The following AKAP6 variants were observed in gnomAD, a reference collection of about 807,000 sequenced individuals.
The protein encoded by AKAP6 is A-kinase anchoring protein 6.
In AKAP6, 58 loss-of-function variants were observed where a neutral mutation model predicts 188.5. The ratio of observed to expected loss-of-function variants is 0.31; its 90% CI spans 0.25 to 0.38. The LOEUF (loss-of-function observed/expected upper bound fraction) is 0.38, where lower values mean the gene tolerates loss of function less well. Among genes scored for constraint, AKAP6 ranks in the 10% least tolerant of loss-of-function variants. The probability of loss-of-function intolerance (pLI) is 1.00; values close to 1 mark genes in which losing one functional copy is unlikely to be tolerated. For synonymous variants in AKAP6, 989 were observed against 998.6 expected (o/e 0.99, Z 0.18); for missense variants, 2,710 against 2,740.0 (o/e 0.99, Z 0.24).
chr14:32,711,366 C>T (rs1031555964), intron 9 of AKAP6, among the ~76,000 whole-genome samples: 9 of 152,032 alleles, frequency 5.9e-5, no homozygotes, highest in Non-Finnish European at 1.2e-4. Context: ...TCACTGTGCT[C>T]ACAGGCACTT....
At chr14:32,445,372 G>A (rs1200877768) in intron 2 of AKAP6, among the ~76,000 whole-genome samples, 13 of 151,642 alleles carry the variant, frequency 8.6e-5, no homozygotes, top group Admixed American at 7.9e-4. Flanking sequence ...GTGGGTTTCC[G>A]GTTCTTTTCT....
chr14:32,570,426 G>T (rs1169935748), intron 4 of AKAP6, among the ~76,000 whole-genome samples: 4 of 151,978 alleles, frequency 2.6e-5, no homozygotes, highest in African/African-American at 9.7e-5. Flanking sequence ...ACAGGTGTGA[G>T]CCACTGCGCC....
At chr14:32,725,497 T>G (rs1160105676) in intron 9 of AKAP6, among the ~76,000 whole-genome samples, 1 of 152,214 alleles carries the variant, frequency 6.6e-6, no homozygotes, top group African/African-American at 2.4e-5. Context: ...TGAGATTTTT[T>G]TTTCTCTGAA....
chr14:32,824,629 A>G lies in AKAP6; in HGVS notation c.6816A>G (p.Ser2272=), dbSNP rs2140154852. 5 of 1,613,962 alleles carry G rather than the reference A, an allele frequency of 3.1e-6. No individual in the cohort carries two copies. The highest frequency in any genetic ancestry group is 4.2e-6 in the Non-Finnish European group (5 of 1,179,924). The change falls in exon 13 of 14, where the codon TCA becomes TCG. Residue 2272 remains serine, a synonymous_variant. Coordinates refer to ENST00000280979, the MANE Select transcript of AKAP6 (RefSeq NM_004274.5). ...TGCCAGAAGAACATAATGCTGCTTC[A>G]GCCAAATCTAAAGTTCAAGACCTCT... The part of the protein sequence containing the change: ...SGMPEEHNAA[S]AKSKVQDLSL...
At chr14:32,538,256 G>A (rs1882773985) in intron 3 of AKAP6, among the ~76,000 whole-genome samples, 1 of 151,980 alleles carries the variant, frequency 6.6e-6, no homozygotes, top group Non-Finnish European at 1.5e-5. Flanking sequence ...AAGATAATTA[G>A]GATAAAATTA....
At chr14:32,386,848 T>G (rs948969628) in intron 1 of AKAP6, among the ~76,000 whole-genome samples, 1 of 152,178 alleles carries the variant, frequency 6.6e-6, no homozygotes, top group Admixed American at 6.6e-5. Context: ...CCCAGCACCA[T>G]TTGTTGAAAA....
intron 2 of AKAP6, among the ~76,000 whole-genome samples, chr14:32,522,758 C>T (rs1480791485): frequency 6.6e-6 from 1 of 152,128 alleles, no homozygotes; most frequent in Admixed American, 6.5e-5. Flanking sequence ...TAAACTAGTT[C>T]AACCGTTGTG....
intron 2 of AKAP6, among the ~76,000 whole-genome samples, chr14:32,472,654 T>C (rs1387831062): frequency 6.6e-6 from 1 of 152,184 alleles, no homozygotes; most frequent in Non-Finnish European, 1.5e-5. Context: ...CTGCACCAAC[T>C]GTCTCCTGCA....
intron 2 of AKAP6, among the ~76,000 whole-genome samples, chr14:32,454,671 C>T (rs1891066173): frequency 2.2e-5 from 1 of 45,252 alleles, no homozygotes; most frequent in African/African-American, 3.1e-4. Flanking sequence ...TTCCCTCCTT[C>T]CCTCCTTCCC....
rs1324772714 is a variant in AKAP6 at position 32,403,134 on chromosome 14, G to C, written c.-34-30326G>C. The C allele has an allele frequency of 2.0e-5, 3 of 152,314 alleles. No homozygotes were observed. The East Asian group carries it at 5.8e-4, about 29-fold the overall frequency. 9.4% of individuals were successfully genotyped at this position (152,314 alleles called of 1,614,324 possible). ...ATAGAACCTGTGGATGCACATCAAG[G>C]CTTCTGGAAATTTATTGAAATTGAA... On this transcript the variant is annotated intron_variant, in intron 1 of 13. Transcript: ENST00000280979.
intron 12 of AKAP6, among the ~76,000 whole-genome samples, chr14:32,788,549 G>C (rs2033502154): frequency 6.6e-6 from 1 of 152,190 alleles, no homozygotes. Context: ...GCCCACCTGG[G>C]AGTGGCACGG....
chr14:32,589,823 T>G (rs1885411502), intron 5 of AKAP6, among the ~76,000 whole-genome samples: 1 of 152,142 alleles, frequency 6.6e-6, no homozygotes, highest in South Asian at 2.1e-4. Context: ...TACAAAGCAT[T>G]GAAGAAAAAG....
chr14:32,726,095 A>G, intron 9 of AKAP6: 4 of 778,800 alleles, frequency 5.1e-6, no homozygotes, highest in Non-Finnish European at 6.2e-6. Context: ...TCCAACGACC[A>G]GATTAAGGTT....
intron 1 of AKAP6, among the ~76,000 whole-genome samples, chr14:32,380,148 T>C (rs1326847269): frequency 1.3e-5 from 2 of 152,246 alleles, no homozygotes; most frequent in Non-Finnish European, 2.9e-5. Flanking sequence ...TCTAGCTCCT[T>C]TTCTATCCTG....
At chr14:32,809,866 C>T (rs576921158) in intron 12 of AKAP6, among the ~76,000 whole-genome samples, 1 of 152,230 alleles carries the variant, frequency 6.6e-6, no homozygotes, top group African/African-American at 2.4e-5. Flanking sequence ...GAGAATAGGC[C>T]TTTGAGAAAT....
At chr14:32,623,008 G>C (rs80344593) in intron 7 of AKAP6, among the ~76,000 whole-genome samples, 2 of 151,880 alleles carry the variant, frequency 1.3e-5, no homozygotes, top group African/African-American at 4.8e-5. Context: ...GTAGTGGTAG[G>C]GTGTGTGAAA....
chr14:32,606,776 T>C (rs1886142623), intron 7 of AKAP6, among the ~76,000 whole-genome samples: 1 of 152,184 alleles, frequency 6.6e-6, no homozygotes, highest in African/African-American at 2.4e-5. Flanking sequence ...CCTTTGGAAA[T>C]GGATATCAGA....
At chr14:32,650,239 G>T (rs1888152276) in intron 7 of AKAP6, among the ~76,000 whole-genome samples, 1 of 152,140 alleles carries the variant, frequency 6.6e-6, no homozygotes, top group Admixed American at 6.6e-5. Flanking sequence ...ATTCACCTTA[G>T]CTGTGTACCA....
chr14:32,458,626 C>A (rs1424620418), intron 2 of AKAP6, among the ~76,000 whole-genome samples: 1 of 152,028 alleles, frequency 6.6e-6, no homozygotes, highest in Non-Finnish European at 1.5e-5. Context: ...AGAATAACAT[C>A]TTTGCAGACA....
Sources: allele counts gnomAD v4.1 joint callset (sites outside exome capture counted in the v4.1 genomes callset), GRCh38; gene constraint gnomAD v4.1.1; transcripts MANE v1.5; gene names NCBI Gene and HGNC (gene_info 2026-07-23, HGNC 2026-07-21).